CDK6: variants seen among roughly 807,000 people sequenced by gnomAD.
CDK6 encodes cyclin dependent kinase 6.
In CDK6, 6 loss-of-function variants were observed where a neutral mutation model predicts 37.1. The ratio of observed to expected loss-of-function variants is 0.16; its 90% CI spans 0.09 to 0.32. The LOEUF is 0.32. CDK6 is among the 10% of genes least tolerant of loss of function. The pLI, the probability that CDK6 is intolerant of heterozygous loss-of-function variation, is 1.00. For missense variants in CDK6, 224 were observed against 418.9 expected (o/e 0.53, Z 4.06); for synonymous variants, 160 against 161.3 (o/e 0.99, Z 0.06).
rs537950528 is a variant in CDK6, at chr7:92,742,936, A to G, written c.370-17143T>C. Among the ~76,000 whole-genome samples the G allele has an allele frequency of 1.1e-4, 16 of 152,190 alleles. No individual in the cohort carries two copies. The South Asian group carries it at 3.1e-3, about 30-fold the overall frequency. On this transcript the variant is annotated intron_variant, in intron 3 of 7. Coordinates refer to ENST00000424848, the MANE Select transcript of CDK6 (RefSeq NM_001145306.2). Reference sequence around the variant, plus strand: ...GGGATGTTTGTGTTCCATATTATGAATTGCTAAAATAGGCTAAAAGGCAGT... The same window carrying G: ...GGGATGTTTGTGTTCCATATTATGAGTTGCTAAAATAGGCTAAAAGGCAGT...
At chr7:92,806,580 C>A (rs6951960) in intron 2 of CDK6, among the ~76,000 whole-genome samples, 2 of 152,100 alleles carry the variant, frequency 1.3e-5, no homozygotes, top group East Asian at 3.8e-4. Context: ...TTACCACTTA[C>A]CTATACATTT....
chr7:92,622,966 T>A, intron 6 of CDK6, 70 bp downstream of exon 6: 1 of 905,442 alleles, frequency 1.1e-6, no homozygotes, highest in Non-Finnish European at 1.8e-6. Flanking sequence ...ATGATATGCA[T>A]GTCAGAGGAA....
At chr7:92,819,438 A>T (rs1801115272) in intron 2 of CDK6, among the ~76,000 whole-genome samples, 1 of 152,088 alleles carries the variant, frequency 6.6e-6, no homozygotes, top group African/African-American at 2.4e-5. Context: ...AGTATTTTAG[A>T]TATTGATTGT....
chr7:92,707,696 G>A (rs1585416223), intron 4 of CDK6, among the ~76,000 whole-genome samples: 1 of 152,228 alleles, frequency 6.6e-6, no homozygotes, highest in African/African-American at 2.4e-5. Context: ...GTGCGTGCAT[G>A]CGCACACACA....
intron 2 of CDK6, among the ~76,000 whole-genome samples, chr7:92,779,103 T>C (rs1252891169): frequency 6.6e-6 from 1 of 152,046 alleles, no homozygotes; most frequent in Non-Finnish European, 1.5e-5. Context: ...GCCCTGTTGC[T>C]TCATCTCACT....
rs35748209 is a variant in CDK6 at position 92,674,087 on chromosome 7, CT to C, written c.538-2553del. 8.9e-3 allele frequency among the ~76,000 whole-genome samples: 1,248 copies of C among 140,356 alleles called. 4 individuals are homozygous for C. Among genetic ancestry groups the C allele is most frequent in the African/African-American group, 0.022 (844 of 38,390 alleles). The allele number at this position is 140,356 out of a possible 152,430, so 92.1% of individuals were successfully genotyped here. A position where few individuals can be genotyped will look rare whatever the true frequency, so the allele number is the denominator to read the frequency against. ...GAGCCACTGCGCCTCCCCCTTTCTT[CT>C]TTTTTTTTTTTTTTGAGTTCTTCAA... On this transcript the variant is annotated intron_variant, in intron 4 of 7. Coordinates refer to ENST00000424848, the MANE Select transcript of CDK6 (RefSeq NM_001145306.2).
chr7:92,753,294 T>C (rs1416978550), intron 3 of CDK6, among the ~76,000 whole-genome samples: 3 of 152,036 alleles, frequency 2.0e-5, no homozygotes, highest in African/African-American at 7.2e-5. Context: ...AGACCAGAGA[T>C]CCCATAATTA....
intron 4 of CDK6, among the ~76,000 whole-genome samples, chr7:92,713,444 T>G (rs1798147997): frequency 6.6e-6 from 1 of 152,084 alleles, no homozygotes; most frequent in Admixed American, 6.6e-5. Flanking sequence ...CTATATTGGT[T>G]TTTTGAACCC....
chr7:92,646,376 T>C (rs977366326), intron 5 of CDK6, among the ~76,000 whole-genome samples: 1 of 151,952 alleles, frequency 6.6e-6, no homozygotes, highest in Non-Finnish European at 1.5e-5. Flanking sequence ...AAGCACCTGG[T>C]AGGTTTTCTT....
At chr7:92,802,930 A>C (rs1658042437) in intron 2 of CDK6, among the ~76,000 whole-genome samples, 1 of 152,194 alleles carries the variant, frequency 6.6e-6, no homozygotes, top group Admixed American at 6.5e-5. Context: ...AAATGTTGCC[A>C]AATGTCCCCT....
intron 2 of CDK6, among the ~76,000 whole-genome samples, chr7:92,829,677 G>A (rs1020855087): frequency 2.0e-5 from 3 of 152,182 alleles, no homozygotes; most frequent in African/African-American, 7.2e-5. Flanking sequence ...CAATCCCTAT[G>A]TTAGGGAGGT....
Position 92,787,165 on chromosome 7 carries a change from GAGTA to G in CDK6, c.234-12338_234-12335del, listed in dbSNP as rs752441700. 5.7e-5 allele frequency among the ~76,000 whole-genome samples: 7 copies of G among 122,684 alleles called. No homozygotes were observed. In the Middle Eastern group the frequency reaches 0.021, roughly 370 times the overall value. 80.5% of individuals were successfully genotyped at this position (122,684 alleles called of 152,430 possible). A position where few individuals can be genotyped will look rare whatever the true frequency, so the allele number is the denominator to read the frequency against. On this transcript the variant is annotated intron_variant, in intron 2 of 7. Coordinates refer to ENST00000424848, the MANE Select transcript of CDK6 (RefSeq NM_001145306.2). ...CCACCACACTCCAACCTGGGCAACAGAGTAAGTGAGACTCCATCACAAAAAAAAA... is the reference window on the plus strand; with the variant it reads ...CCACCACACTCCAACCTGGGCAACAGAGTGAGACTCCATCACAAAAAAAAA...
At chr7:92,733,541 T>A (rs1200187968) in intron 3 of CDK6, among the ~76,000 whole-genome samples, 2 of 152,226 alleles carry the variant, frequency 1.3e-5, no homozygotes, top group Admixed American at 6.5e-5. Flanking sequence ...TATACTGAAC[T>A]CATTTGCATG....
intron 3 of CDK6, among the ~76,000 whole-genome samples, chr7:92,752,254 T>A (rs138720010): frequency 6.6e-6 from 1 of 152,224 alleles, no homozygotes; most frequent in Non-Finnish European, 1.5e-5. Context: ...TATAAAGGTA[T>A]AGGAAATGTT....
intron 2 of CDK6, among the ~76,000 whole-genome samples, chr7:92,796,401 A>G (rs1322780549): frequency 1.3e-5 from 2 of 152,284 alleles, no homozygotes; most frequent in East Asian, 3.9e-4. Context: ...TAGTTTAGAC[A>G]GACTCTTAGT....
At chr7:92,780,020 C>T (rs1247872438) in intron 2 of CDK6, among the ~76,000 whole-genome samples, 2 of 152,110 alleles carry the variant, frequency 1.3e-5, no homozygotes, top group Non-Finnish European at 2.9e-5. Context: ...ACTCTGTTGT[C>T]CAGGCTGGAG....
In CDK6 at chr7:92,660,387, G is replaced by A. The variant is rs1471093022; in HGVS notation, c.647+11039C>T. On this transcript the variant is annotated intron_variant, in intron 5 of 7. Transcript: ENST00000424848. ...CACCCAGGACAAGAGAAGAGCAAGG[G>A]TTCTAAGGAGAAAAACTTTGAGGCA... Among the ~76,000 whole-genome samples, 3 of 152,160 alleles carry A rather than the reference G, an allele frequency of 2.0e-5. No homozygotes were observed. In the East Asian group the frequency reaches 5.8e-4, roughly 29 times the overall value.
At chr7:92,780,869 T>C (rs1426699986) in intron 2 of CDK6, among the ~76,000 whole-genome samples, 4 of 152,074 alleles carry the variant, frequency 2.6e-5, no homozygotes, top group Non-Finnish European at 2.9e-5. Flanking sequence ...ATTCCTTATA[T>C]TGACCAATAT....
At chr7:92,661,427 C>T (rs1796832245) in intron 5 of CDK6, among the ~76,000 whole-genome samples, 2 of 152,118 alleles carry the variant, frequency 1.3e-5, no homozygotes, top group African/African-American at 4.8e-5. Flanking sequence ...CTTTTGACTC[C>T]CCTAAGACTT....
Sources: gnomAD v4.1 joint callset for allele counts (sites outside exome capture counted in the v4.1 genomes callset) on GRCh38, gnomAD v4.1.1 for gene constraint, MANE v1.5 for transcripts, NCBI Gene and HGNC (gene_info 2026-07-23, HGNC 2026-07-21) for gene names.